PARD3B: variants seen among roughly 807,000 people sequenced by gnomAD.
PARD3B encodes partitioning defective 3 homolog B.
In PARD3B, 103 loss-of-function variants were observed where a neutral mutation model predicts 130.2. The ratio of observed to expected loss-of-function variants is 0.79; its 90% CI spans 0.67 to 0.93. PARD3B has a LOEUF of 0.93. Among genes scored for constraint, PARD3B ranks in the 40% least tolerant of loss-of-function variants. The probability of loss-of-function intolerance (pLI) is 0.00; values close to 1 mark genes in which losing one functional copy is unlikely to be tolerated. For missense variants in PARD3B, 1,609 were observed against 1,499.2 expected (o/e 1.07, Z -1.21); for synonymous variants, 583 against 553.2 (o/e 1.05, Z -0.76).
At chr2:204,683,575 A>C (rs17637988) in intron 1 of PARD3B, among the ~76,000 whole-genome samples, 7,060 of 152,240 alleles carry the variant, frequency 0.046, 465 homozygotes, top group East Asian at 0.14. Context: ...CCAAAATACC[A>C]TGGGGACAAA....
Position 205,301,981 on chromosome 2 carries a change from G to A in PARD3B, c.2630+280G>A, listed in dbSNP as rs1046481704. 7.3e-6 allele frequency: 5 copies of A among 684,634 alleles called. No individual in the cohort carries two copies. The highest frequency in any genetic ancestry group is 1.8e-5 in the African/African-American group (1 of 56,518). 42.4% of individuals were successfully genotyped at this position (684,634 alleles called of 1,614,324 possible). ...GCCTGTAATCTCAGTACTTTGGGAG[G>A]CTGGGAGGATTGCTTGAGCCCAAGA... On this transcript the variant is annotated intron_variant, in intron 18 of 22. Coordinates refer to ENST00000406610, the MANE Select transcript of PARD3B (RefSeq NM_001302769.2). The surrounding 1 kb of genome is among the most constrained non-coding windows in gnomAD (Gnocchi z 5.2).
intron 13 of PARD3B, among the ~76,000 whole-genome samples, chr2:205,181,114 A>C (rs2035762265): frequency 6.6e-6 from 1 of 152,098 alleles, no homozygotes; most frequent in Admixed American, 6.6e-5. Flanking sequence ...CACTGCCCCC[A>C]AATCTGCCCA....
At chr2:204,712,951 A>G (rs900299868) in intron 2 of PARD3B, among the ~76,000 whole-genome samples, 3 of 151,956 alleles carry the variant, frequency 2.0e-5, no homozygotes, top group African/African-American at 7.2e-5. Flanking sequence ...TATTGTATGC[A>G]TTCTTCTGTG....
chr2:205,349,328 G>C (rs2043906816), intron 18 of PARD3B, among the ~76,000 whole-genome samples: 1 of 137,848 alleles, frequency 7.3e-6, no homozygotes, highest in Admixed American at 6.8e-5. Flanking sequence ...CAGAAAAAGT[G>C]AGAAAGAGAC....
intron 10 of PARD3B, among the ~76,000 whole-genome samples, chr2:205,156,295 G>T: frequency 6.6e-6 from 1 of 150,572 alleles, no homozygotes; most frequent in Admixed American, 6.6e-5. Flanking sequence ...ATAGCATTAG[G>T]AGATATACCT....
intron 3 of PARD3B, among the ~76,000 whole-genome samples, chr2:205,036,893 A>G (rs1378888494): frequency 5.9e-5 from 9 of 151,548 alleles, no homozygotes; most frequent in Non-Finnish European, 1.0e-4. Context: ...GACTGTATAT[A>G]TAAAGAACAT....
At chr2:205,095,337 T>A (rs975017596) in intron 4 of PARD3B, among the ~76,000 whole-genome samples, 3 of 152,128 alleles carry the variant, frequency 2.0e-5, no homozygotes, top group Non-Finnish European at 4.4e-5. Flanking sequence ...AAAATTGTTT[T>A]CCACTCTTTT....
intron 21 of PARD3B, among the ~76,000 whole-genome samples, chr2:205,508,516 G>C (rs7596844): frequency 0.41 from 61,189 of 150,630 alleles, 12,900 homozygotes; most frequent in Admixed American, 0.5. Context: ...AGGCTGCAGA[G>C]AGCCATAATC....
chr2:205,553,320 A>G lies in PARD3B; in HGVS notation c.3181-4A>G. 3.7e-6 allele frequency: 6 copies of G among 1,613,478 alleles called. No homozygotes were observed. Among genetic ancestry groups the G allele is most frequent in the Non-Finnish European group, 5.1e-6 (6 of 1,179,472 alleles). ...TTCATCTCTAATTGCTTTTCTCTCC[A>G]CAGGTGCCTGGAAGGGGTCCAGATG... On this transcript the variant is annotated splice_region_variant and splice_polypyrimidine_tract_variant and intron_variant, in intron 21 of 22. Transcript: ENST00000406610.
At chr2:204,582,503 T>TTC (rs1553545658) in intron 1 of PARD3B, among the ~76,000 whole-genome samples, 25 of 151,676 alleles carry the variant, frequency 1.6e-4, no homozygotes, top group African/African-American at 5.1e-4. Context: ...AGATTGAGGT[T>TTC]CCCCCCCCTC....
intron 19 of PARD3B, among the ~76,000 whole-genome samples, chr2:205,430,240 A>G (rs1361831053): frequency 1.3e-5 from 2 of 152,130 alleles, no homozygotes; most frequent in African/African-American, 4.8e-5. Context: ...CAAGTACCAT[A>G]TTTATCCGGG....
rs1463684846 is a variant in PARD3B at position 205,620,072 on chromosome 2, C to A, written c.*4259C>A. The A allele has an allele frequency of 1.3e-5, 2 of 152,046 alleles. No homozygotes were observed. The highest frequency in any genetic ancestry group is 3.9e-4 in the East Asian group (2 of 5,154). The allele number at this position is 152,046 out of a possible 1,614,324, so 9.4% of individuals were successfully genotyped here. A position where few individuals can be genotyped will look rare whatever the true frequency, so the allele number is the denominator to read the frequency against. ...ACTTTTTAAGATGATCCATTTGTAC[C>A]ACAGAAAACATTTTGGAAGTTGTTA... On this transcript the variant is annotated 3_prime_UTR_variant, in exon 23 of 23. Coordinates refer to ENST00000406610, the MANE Select transcript of PARD3B (RefSeq NM_001302769.2).
intron 3 of PARD3B, among the ~76,000 whole-genome samples, chr2:205,035,820 T>TATATATATATATATATATAGTGGG (rs1491091922): frequency 0.044 from 99 of 2,270 alleles, 2 homozygotes; most frequent in East Asian, 0.079. Flanking sequence ...TATATATATA[T>TATATATATATATATATATAGTGGG]CTATATATCT....
At chr2:205,531,699 T>C (rs958985389) in intron 21 of PARD3B, among the ~76,000 whole-genome samples, 3 of 151,920 alleles carry the variant, frequency 2.0e-5, no homozygotes, top group Admixed American at 1.3e-4. Flanking sequence ...AACACCACTC[T>C]CAGACCCCTG....
In PARD3B at chr2:204,606,030, T is replaced by A. The variant is rs1056103908; in HGVS notation, c.120+59911T>A. Among the ~76,000 whole-genome samples the A allele has an allele frequency of 6.6e-6, 1 of 152,184 alleles. No individual in the cohort carries two copies. The highest frequency in any genetic ancestry group is 1.5e-5 in the Non-Finnish European group (1 of 68,038). On this transcript the variant is annotated intron_variant, in intron 1 of 22. Transcript: ENST00000406610. This position sits in a 1 kb window ranked among gnomAD's most constrained non-coding sequence, Gnocchi z 4.0. ...AAGGGATCTTCTCTCCCTCTCTCCA[T>A]TGGGACATGATATTACCAAGAAGTG...
At chr2:205,607,602 A>G (rs2055048121) in intron 22 of PARD3B, among the ~76,000 whole-genome samples, 1 of 152,194 alleles carries the variant, frequency 6.6e-6, no homozygotes, top group Non-Finnish European at 1.5e-5. Flanking sequence ...GATGGAAACT[A>G]ACTTGCTGTA....
chr2:205,608,202 G>T (rs529687781), intron 22 of PARD3B, among the ~76,000 whole-genome samples: 1 of 152,274 alleles, frequency 6.6e-6, no homozygotes, highest in East Asian at 1.9e-4. Flanking sequence ...TAACTGTGTA[G>T]TGGTTTTTCC....
At chr2:204,649,787 T>G (rs1574618282) in intron 1 of PARD3B, among the ~76,000 whole-genome samples, 1 of 152,262 alleles carries the variant, frequency 6.6e-6, no homozygotes, top group East Asian at 1.9e-4. Context: ...AAGACTTAAA[T>G]GTAAAATCCA....
chr2:205,402,975 G>A (rs1397780908), intron 19 of PARD3B, among the ~76,000 whole-genome samples: 1 of 152,110 alleles, frequency 6.6e-6, no homozygotes, highest in African/African-American at 2.4e-5. Context: ...GGTGGAGGCT[G>A]AACATCTGGC....
Sources: gnomAD v4.1 joint callset for allele counts (sites outside exome capture counted in the v4.1 genomes callset) on GRCh38, gnomAD v4.1.1 for gene constraint, Gnocchi (gnomAD v3.1) non-coding constraint, MANE v1.5 for transcripts, NCBI Gene and HGNC (gene_info 2026-07-23, HGNC 2026-07-21) for gene names.